Variants in PTGS1 observed in about 807,000 individuals in gnomAD.
PTGS1 encodes the protein prostaglandin-endoperoxide synthase 1, also known as prostaglandin G/H synthase 1.
A neutral mutation model predicts 63.0 loss-of-function variants in PTGS1; 40 were observed. The ratio of observed to expected loss-of-function variants is 0.63; its 90% CI spans 0.49 to 0.83. The LOEUF (loss-of-function observed/expected upper bound fraction) is 0.83. Among genes scored for constraint, PTGS1 ranks in the 40% least tolerant of loss-of-function variants. PTGS1 has a pLI of 0.00. For missense variants in PTGS1, 709 were observed against 786.5 expected (o/e 0.90, Z 1.18); for synonymous variants, 298 against 301.9 (o/e 0.99, Z 0.13).
chr9:122,376,983 G>A (rs190962264), intron 2 of PTGS1, among the ~76,000 whole-genome samples: 10 of 152,284 alleles, frequency 6.6e-5, no homozygotes, highest in Admixed American at 6.5e-4. Context: ...AGGCAGCAGG[G>A]CGGATGCCAG....
intron 2 of PTGS1, among the ~76,000 whole-genome samples, chr9:122,374,053 A>AGG (rs1396009074): frequency 6.6e-6 from 1 of 151,984 alleles, no homozygotes; most frequent in Non-Finnish European, 1.5e-5. Context: ...CTTTTGGGCT[A>AGG]GGGGGTGTTC....
rs577767829 is a variant in PTGS1, at chr9:122,381,363, C to G, written c.497-8C>G. 9 of 1,613,408 alleles carry G rather than the reference C, an allele frequency of 5.6e-6. No individual in the cohort carries two copies. The highest frequency in any genetic ancestry group is 5.5e-5 in the South Asian group (5 of 90,944). On this transcript the variant is annotated splice_polypyrimidine_tract_variant and splice_region_variant and intron_variant, in intron 5 of 10. Coordinates refer to ENST00000362012, the MANE Select transcript of PTGS1 (RefSeq NM_000962.4). ...AGAAGCTACTGCTGTTTCCTACCCC[C>G]CAACCAGGGAAGAAGCAGTTGCCAG...
rs1418635368 is a variant in PTGS1 at position 122,395,533 on chromosome 9, C to T, written c.*2989C>T. 1 of 152,086 alleles carries T rather than the reference C, an allele frequency of 6.6e-6. No individual in the cohort carries two copies. The highest frequency in any genetic ancestry group is 6.5e-5 in the Admixed American group (1 of 15,272). 9.4% of individuals were successfully genotyped at this position (152,086 alleles called of 1,614,324 possible). A position where few individuals can be genotyped will look rare whatever the true frequency, so the allele number is the denominator to read the frequency against. On this transcript the variant is annotated 3_prime_UTR_variant, in exon 11 of 11. Coordinates refer to ENST00000362012, the MANE Select transcript of PTGS1 (RefSeq NM_000962.4). ...GAGCTGCACCTGATTAGTTGAAAGG[C>T]CTCAAGAACAAACACTGCAGTTTCC...
At chr9:122,383,262 G>A (rs1479189734) in intron 7 of PTGS1, among the ~76,000 whole-genome samples, 1 of 150,158 alleles carries the variant, frequency 6.7e-6, no homozygotes, top group Non-Finnish European at 1.5e-5. Context: ...GCCTGTCTGG[G>A]GATAGGAGTG....
chr9:122,386,375 G>T (rs945433383), intron 8 of PTGS1, 71 bp from the exon 9 acceptor site: 7 of 1,523,646 alleles, frequency 4.6e-6, no homozygotes, highest in Non-Finnish European at 6.3e-6. Context: ...TCATGAACTG[G>T]CCTGCTTTCC....
chr9:122,374,312 C>T (rs566773058), intron 2 of PTGS1, among the ~76,000 whole-genome samples: 9 of 152,122 alleles, frequency 5.9e-5, no homozygotes, highest in Non-Finnish European at 1.0e-4. Context: ...TGGCTCTACC[C>T]AGAGTAGAGG....
intron 2 of PTGS1, 98 bp downstream of exon 2, chr9:122,371,370 T>C (rs1836795492): frequency 2.6e-6 from 4 of 1,558,298 alleles, no homozygotes; most frequent in Non-Finnish European, 8.6e-7. Context: ...CAGCTTCCCC[T>C]TTCTGCTCGC....
At chr9:122,385,118 TG>T (rs573906032) in intron 8 of PTGS1, among the ~76,000 whole-genome samples, 87 of 152,182 alleles carry the variant, frequency 5.7e-4, no homozygotes, top group Admixed American at 7.2e-4. Context: ...CCACCATGCC[TG>T]GCTAATTTTT....
chr9:122,372,624 C>T (rs1053741337), intron 2 of PTGS1: 1 of 152,230 alleles, frequency 6.6e-6, no homozygotes, highest in Admixed American at 6.5e-5. Flanking sequence ...CTCGCTGACC[C>T]ATCTTGTCAG....
At chr9:122,381,875 C>CA (rs1476242728) in intron 7 of PTGS1, 128 bp downstream of exon 7, 2 of 934,132 alleles carry the variant, frequency 2.1e-6, no homozygotes, top group African/African-American at 3.3e-5. Context: ...AAGCTTGTGC[C>CA]AGGAGCGACA....
At chr9:122,383,821 G>C (rs1837696416) in intron 8 of PTGS1, 66 bp downstream of exon 8, 54 of 1,569,692 alleles carry the variant, frequency 3.4e-5, no homozygotes, top group Middle Eastern at 1.7e-4. Flanking sequence ...TTGGGGGCGG[G>C]GGGGTACTTA....
intron 10 of PTGS1, 32 bp downstream of exon 10, chr9:122,390,377 C>G (rs1298757055): frequency 6.2e-7 from 1 of 1,607,544 alleles, no homozygotes; most frequent in South Asian, 1.1e-5. Flanking sequence ...GCAGTCCCTG[C>G]CCTTGAGGGA....
At chr9:122,371,571 C>G in intron 2 of PTGS1, 1 of 1,427,466 alleles carries the variant, frequency 7.0e-7, no homozygotes, top group Non-Finnish European at 9.1e-7. Context: ...CCCCAGATGT[C>G]TAAGCAGCCT....
rs780206505 is a variant in PTGS1, at chr9:122,381,630, C to T, written c.679-34C>T. Reference sequence around the variant, plus strand: ...ATGTCATCGACAGTGGGCCGGCACCCTGGTGACCTGAGGGAACCCCTCTCT... The same window carrying T: ...ATGTCATCGACAGTGGGCCGGCACCTTGGTGACCTGAGGGAACCCCTCTCT... On this transcript the variant is annotated intron_variant, in intron 6 of 10. Transcript: ENST00000362012. The T allele has an allele frequency of 1.9e-6, 3 of 1,613,370 alleles. 1 individual carries two copies. The South Asian group carries it at 3.3e-5, about 18-fold the overall frequency.
Position 122,371,170 on chromosome 9 carries a change from T to G in PTGS1, c.8-16T>G. On this transcript the variant is annotated splice_polypyrimidine_tract_variant and intron_variant, in intron 1 of 10. Transcript: ENST00000362012. Reference sequence around the variant, plus strand: ...CTTGAATGCCAGGCTCAGCCCCTCATCTCTCTCCTCTGCAGGGAGTCTCTT... The same window carrying G: ...CTTGAATGCCAGGCTCAGCCCCTCAGCTCTCTCCTCTGCAGGGAGTCTCTT... 1 of 1,608,598 alleles carries G rather than the reference T, an allele frequency of 6.2e-7. No homozygotes were observed. The highest frequency in any genetic ancestry group is 8.5e-7 in the Non-Finnish European group (1 of 1,179,924).
At position 122,392,097 on chromosome 9, in the gene PTGS1, C is replaced by A. The variant is rs938186088; in HGVS notation, c.1445-92C>A. On this transcript the variant is annotated intron_variant, in intron 10 of 10. Coordinates refer to ENST00000362012, the MANE Select transcript of PTGS1 (RefSeq NM_000962.4). Reference sequence around the variant, plus strand: ...AGTCTCCTGGAGTCCCTATTATCCCCAGAAAAAGGTGGACCTGGAAGGGTC... The same window carrying A: ...AGTCTCCTGGAGTCCCTATTATCCCAAGAAAAAGGTGGACCTGGAAGGGTC... 9.8e-5 allele frequency: 110 copies of A among 1,120,198 alleles called. No individual in the cohort carries two copies. In the African/African-American group the frequency reaches 1.7e-3, roughly 17 times the overall value. 69.4% of individuals were successfully genotyped at this position (1,120,198 alleles called of 1,614,324 possible). A position where few individuals can be genotyped will look rare whatever the true frequency, so the allele number is the denominator to read the frequency against.
chr9:122,379,962 C>A (rs1837412599), intron 5 of PTGS1, among the ~76,000 whole-genome samples: 2 of 152,148 alleles, frequency 1.3e-5, no homozygotes, highest in African/African-American at 4.8e-5. Flanking sequence ...TCTGTGAGGG[C>A]AATTGGGTGA....
intron 9 of PTGS1, among the ~76,000 whole-genome samples, chr9:122,387,681 G>A (rs1837955294): frequency 6.6e-6 from 1 of 152,152 alleles, no homozygotes; most frequent in South Asian, 2.1e-4. Context: ...TGAACCTCTG[G>A]TCTCCAGACA....
chr9:122,375,266 G>C lies in PTGS1; in HGVS notation c.95-2633G>C, dbSNP rs889811433. 24 of 984,496 alleles carry C rather than the reference G, an allele frequency of 2.4e-5. No homozygotes were observed. The African/African-American group carries it at 4.0e-4, about 16-fold the overall frequency. 61.0% of individuals were successfully genotyped at this position (984,496 alleles called of 1,614,324 possible). On this transcript the variant is annotated intron_variant, in intron 2 of 10. Coordinates refer to ENST00000362012, the MANE Select transcript of PTGS1 (RefSeq NM_000962.4). ...CTGGGAGGGAGGAGCCTCAGCTCCC[G>C]CACAGCCTCTCTTGGCAGGGAGGGT...
Sources: allele counts gnomAD v4.1 joint callset (sites outside exome capture counted in the v4.1 genomes callset), GRCh38; gene constraint gnomAD v4.1.1; transcripts MANE v1.5; gene names NCBI Gene and HGNC (gene_info 2026-07-23, HGNC 2026-07-21).